ARFIP1: variants seen among roughly 807,000 people sequenced by gnomAD.
The protein encoded by ARFIP1 is ARF interacting protein 1, also known as arfaptin-1.
A neutral mutation model predicts 42.5 loss-of-function variants in ARFIP1; 24 were observed. The ratio of observed to expected loss-of-function variants is 0.57; its 90% CI spans 0.41 to 0.80. The LOEUF (loss-of-function observed/expected upper bound fraction) is 0.80, where lower values mean the gene tolerates loss of function less well. Among genes scored for constraint, ARFIP1 ranks in the 30% least tolerant of loss-of-function variants. The pLI is 0.00. For synonymous variants in ARFIP1, 141 were observed against 153.7 expected, an observed-to-expected ratio of 0.92 and a Z score of 0.61; for missense variants, 354 against 434.0, an observed-to-expected ratio of 0.82 and a Z score of 1.64.
At chr4:152,812,925 C>A (rs1729581553) in intron 1 of ARFIP1, among the ~76,000 whole-genome samples, 1 of 152,146 alleles carries the variant, frequency 6.6e-6, no homozygotes, top group South Asian at 2.1e-4. Context: ...ATTCCCACAA[C>A]TTTGATTCCA....
At chr4:152,844,173 C>T (rs1381439892) in intron 2 of ARFIP1, among the ~76,000 whole-genome samples, 1 of 152,200 alleles carries the variant, frequency 6.6e-6, no homozygotes, top group Non-Finnish European at 1.5e-5. Flanking sequence ...ACTTCTCCCA[C>T]GAACAGACCT....
chr4:152,798,445 G>T (rs931169395), intron 1 of ARFIP1, among the ~76,000 whole-genome samples: 6 of 152,162 alleles, frequency 3.9e-5, no homozygotes, highest in African/African-American at 1.4e-4. Context: ...TTTCGAATGG[G>T]TGTTGAATTT....
intron 1 of ARFIP1, among the ~76,000 whole-genome samples, chr4:152,823,448 G>A (rs1285609870): frequency 6.6e-6 from 1 of 152,144 alleles, no homozygotes; most frequent in Non-Finnish European, 1.5e-5. Flanking sequence ...CCCACAGCCA[G>A]ATGGAGACAG....
chr4:152,852,964 T>A (rs1041657906), intron 2 of ARFIP1, among the ~76,000 whole-genome samples: 1 of 152,194 alleles, frequency 6.6e-6, no homozygotes, highest in African/African-American at 2.4e-5. Flanking sequence ...CTGTTTTACC[T>A]ATAGGACAGT....
chr4:152,874,612 A>T (rs1289416507), intron 5 of ARFIP1, among the ~76,000 whole-genome samples: 1 of 152,180 alleles, frequency 6.6e-6, no homozygotes, highest in Non-Finnish European at 1.5e-5. Flanking sequence ...ATAATGCTTC[A>T]AATACTGATT....
intron 8 of ARFIP1, among the ~76,000 whole-genome samples, chr4:152,896,302 TTA>T: frequency 6.6e-6 from 1 of 152,084 alleles, no homozygotes; most frequent in Non-Finnish European, 1.5e-5. Flanking sequence ...AGGTACAAGG[TTA>T]TTCATTGCAG....
chr4:152,793,780 C>A (rs1217376887), intron 1 of ARFIP1, among the ~76,000 whole-genome samples: 4 of 152,094 alleles, frequency 2.6e-5, no homozygotes, highest in Admixed American at 6.5e-5. Flanking sequence ...AGGTGGGGGA[C>A]CTACTATATT....
intron 3 of ARFIP1, among the ~76,000 whole-genome samples, chr4:152,865,227 C>T (rs1054481952): frequency 1.3e-5 from 2 of 151,862 alleles, no homozygotes; most frequent in African/African-American, 2.4e-5. Context: ...AACCTCTGCC[C>T]CCGAGTTCAA....
At chr4:152,807,197 T>TC (rs984812578) in intron 1 of ARFIP1, 1 of 151,904 alleles carries the variant, frequency 6.6e-6, no homozygotes, top group African/African-American at 2.4e-5. Flanking sequence ...TTTTTTTTTT[T>TC]TTCTAGTTTT....
rs568938642 is a variant in ARFIP1, at chr4:152,842,670, C to T, written c.93+12944C>T. The stretch of plus-strand genomic sequence containing the variant: ...AATTCGAAGACCTTGCCTTCGAGCT[C>T]GGAATTTCTTTCTTCTACTTGTTCA... On this transcript the variant is annotated intron_variant, in intron 2 of 8. Transcript: ENST00000353617. 8.5e-5 allele frequency among the ~76,000 whole-genome samples: 13 copies of T among 152,210 alleles called. No homozygotes were observed. The East Asian group carries it at 2.5e-3, about 29-fold the overall frequency.
chr4:152,787,644 G>C (rs890159124), intron 1 of ARFIP1, among the ~76,000 whole-genome samples: 7 of 152,314 alleles, frequency 4.6e-5, no homozygotes, highest in African/African-American at 1.4e-4. Flanking sequence ...TGACACCTTT[G>C]CTTTTGGATG....
At chr4:152,852,729 A>G (rs1206192913) in intron 2 of ARFIP1, among the ~76,000 whole-genome samples, 3 of 152,216 alleles carry the variant, frequency 2.0e-5, no homozygotes, top group African/African-American at 7.2e-5. Context: ...TGAGTATTTT[A>G]TTGAAAACAA....
At chr4:152,852,225 T>TG (rs1245135292) in intron 2 of ARFIP1, among the ~76,000 whole-genome samples, 1 of 152,216 alleles carries the variant, frequency 6.6e-6, no homozygotes, top group Non-Finnish European at 1.5e-5. Flanking sequence ...TAATTATAAA[T>TG]GGGTCCATTG....
intron 5 of ARFIP1, among the ~76,000 whole-genome samples, chr4:152,880,178 C>T (rs1008246562): frequency 2.0e-5 from 3 of 151,956 alleles, no homozygotes; most frequent in African/African-American, 7.3e-5. Flanking sequence ...CCCATCTCTA[C>T]TAAAAATACA....
chr4:152,781,052 G>C (rs1315005735), intron 1 of ARFIP1, among the ~76,000 whole-genome samples: 1 of 151,844 alleles, frequency 6.6e-6, no homozygotes, highest in Non-Finnish European at 1.5e-5. Flanking sequence ...ATTATTATTT[G>C]ATAAGGAAAA....
intron 1 of ARFIP1, among the ~76,000 whole-genome samples, chr4:152,803,960 T>A (rs1728627697): frequency 7.8e-6 from 1 of 127,982 alleles, no homozygotes; most frequent in Non-Finnish European, 1.6e-5. Context: ...TGAATGTGTA[T>A]ATATATAACA....
intron 5 of ARFIP1, among the ~76,000 whole-genome samples, chr4:152,876,804 C>G (rs1735382958): frequency 6.6e-6 from 1 of 152,318 alleles, no homozygotes. Flanking sequence ...ACTTAATGCC[C>G]TGTGTCCTAG....
intron 1 of ARFIP1, among the ~76,000 whole-genome samples, chr4:152,795,484 A>G (rs886311297): frequency 3.3e-5 from 5 of 152,170 alleles, no homozygotes; most frequent in Non-Finnish European, 7.3e-5. Context: ...TTACAATTAC[A>G]AAGAATGCTA....
intron 2 of ARFIP1, among the ~76,000 whole-genome samples, chr4:152,862,862 C>T (rs1734002576): frequency 6.6e-6 from 1 of 152,114 alleles, no homozygotes; most frequent in Non-Finnish European, 1.5e-5. Flanking sequence ...GGTGATTTTA[C>T]AGTTTTACTT....
Sources: gnomAD v4.1 joint callset for allele counts (sites outside exome capture counted in the v4.1 genomes callset) on GRCh38, gnomAD v4.1.1 for gene constraint, MANE v1.5 for transcripts, NCBI Gene and HGNC (gene_info 2026-07-23, HGNC 2026-07-21) for gene names.